DUT: variants seen among roughly 807,000 people sequenced by gnomAD.
DUT encodes deoxyuridine triphosphatase.
Under a neutral mutation model 28.8 loss-of-function variants are expected in DUT, and 21 were observed. The observed-to-expected ratio is 0.73, with a 90% CI of 0.52 to 1.05. The LOEUF (loss-of-function observed/expected upper bound fraction) is 1.05. Ranked by LOEUF, DUT falls within the 50% of genes least tolerant of loss-of-function variation. The pLI, the probability that DUT is intolerant of heterozygous loss-of-function variation, is 0.00. For synonymous variants in DUT, 147 were observed against 143.7 expected, an observed-to-expected ratio of 1.02 and a Z score of -0.17; for missense variants, 344 against 351.8, an observed-to-expected ratio of 0.98 and a Z score of 0.18.
chr15:48,333,873 T>TA (rs1447233900), intron 2 of DUT, among the ~76,000 whole-genome samples: 1 of 152,232 alleles, frequency 6.6e-6, no homozygotes, highest in Non-Finnish European at 1.5e-5. Context: ...TCCTTCTGCA[T>TA]ATTTTCCCTA....
rs28381129 is a variant in DUT, at chr15:48,338,771, C to G, written c.557-2518C>G. ...CATATACAAGGATATACTTAAAGGG[C>G]TGCTTCATTTATTATAGCAAAATGT... On this transcript the variant is annotated intron_variant, in intron 4 of 6. Transcript: ENST00000331200. Among the ~76,000 whole-genome samples the G allele has an allele frequency of 5.4e-3, 824 of 152,280 alleles. 9 individuals are homozygous for G. Among genetic ancestry groups the G allele is most frequent in the South Asian group, 0.031 (150 of 4,822 alleles).
At chr15:48,333,351 T>C (rs2042440385) in intron 2 of DUT, among the ~76,000 whole-genome samples, 1 of 152,134 alleles carries the variant, frequency 6.6e-6, no homozygotes, top group African/African-American at 2.4e-5. Context: ...TGAATAAAAG[T>C]AGAGTGATAT....
chr15:48,332,241 C>T (rs770898740), intron 1 of DUT, 27 bp from the exon 2 acceptor site: 2 of 1,580,414 alleles, frequency 1.3e-6, no homozygotes, highest in Non-Finnish European at 1.7e-6. Flanking sequence ...CGCTCGCCTT[C>T]TGGCTCTGCC....
chr15:48,338,841 G>A (rs528853944), intron 4 of DUT, among the ~76,000 whole-genome samples: 1 of 152,304 alleles, frequency 6.6e-6, no homozygotes, highest in East Asian at 1.9e-4. Flanking sequence ...TAGTTACATA[G>A]AAACAATGGT....
chr15:48,340,904 A>G (rs975095600), intron 4 of DUT, among the ~76,000 whole-genome samples: 1 of 152,184 alleles, frequency 6.6e-6, no homozygotes, highest in Non-Finnish European at 1.5e-5. Context: ...TCGTATTTCA[A>G]TCTGGGTATT....
upstream of DUT, chr15:48,331,259 C>T (rs1378439143): frequency 5.5e-6 from 8 of 1,464,268 alleles, no homozygotes; most frequent in Middle Eastern, 1.8e-4. Flanking sequence ...CCAGAGCAAA[C>T]AAGAAGAGCG....
chr15:48,336,159 C>A, intron 4 of DUT, 69 bp downstream of exon 4: 2 of 1,268,480 alleles, frequency 1.6e-6, no homozygotes, highest in South Asian at 3.1e-5. Context: ...AGGTAATATT[C>A]AAATGACAGA....
intron 6 of DUT, 71 bp downstream of exon 6, chr15:48,341,656 A>G: frequency 8.0e-7 from 1 of 1,257,660 alleles, no homozygotes; most frequent in Non-Finnish European, 1.1e-6. Context: ...TATAATCTTG[A>G]GAATTTAATA....
intron 1 of DUT, 103 bp from the exon 2 acceptor site, chr15:48,332,165 T>C (rs2042421953): frequency 6.9e-7 from 1 of 1,444,692 alleles, no homozygotes; most frequent in Non-Finnish European, 9.1e-7. Flanking sequence ...GCGGGAAATT[T>C]CGGTTTTGGC....
intron 1 of DUT, 72 bp from the exon 2 acceptor site, chr15:48,332,196 C>T: frequency 6.6e-7 from 1 of 1,508,582 alleles, no homozygotes; most frequent in Non-Finnish European, 8.8e-7. Context: ...CGGCGACGCT[C>T]ATCGTGCGCT....
At chr15:48,332,820 T>C in intron 2 of DUT, 1 of 462,404 alleles carries the variant, frequency 2.2e-6, no homozygotes, top group Non-Finnish European at 4.3e-6. Flanking sequence ...TTTCTATACA[T>C]TCATCCGGCC....
At chr15:48,332,081 T>C in intron 1 of DUT, 187 bp from the exon 2 acceptor site, 1 of 1,297,902 alleles carries the variant, frequency 7.7e-7, no homozygotes, top group East Asian at 3.0e-5. Context: ...AAACCCAAAA[T>C]GTGAATCCCG....
intron 3 of DUT, among the ~76,000 whole-genome samples, chr15:48,334,929 T>C (rs1291977202): frequency 6.6e-6 from 1 of 152,156 alleles, no homozygotes; most frequent in African/African-American, 2.4e-5. Flanking sequence ...CGTCAACAGG[T>C]TTGATTTTTC....
At position 48,334,519 on chromosome 15, in the gene DUT, T is replaced by G; in HGVS notation, c.511+11T>G. 1 of 1,580,118 alleles carries G rather than the reference T, an allele frequency of 6.3e-7. No homozygotes were observed. Among genetic ancestry groups the G allele is most frequent in the South Asian group, 1.1e-5 (1 of 88,270 alleles). ...GTTATGGAAGAGTGGGTAAGTCATT[T>G]AAGAAACAGGTAACTATTTGTCAAG... On this transcript the variant is annotated intron_variant, in intron 3 of 6. Coordinates refer to ENST00000331200, the MANE Select transcript of DUT (RefSeq NM_001025248.2).
upstream of DUT, chr15:48,331,347 G>A (rs1462792489): frequency 2.7e-6 from 4 of 1,455,432 alleles, no homozygotes; most frequent in Non-Finnish European, 9.0e-7. Flanking sequence ...GGGCCCCAGG[G>A]CCTGCGCCAT....
intron 2 of DUT, chr15:48,332,664 G>A (rs1566871952): frequency 1.5e-6 from 1 of 660,706 alleles, no homozygotes; most frequent in Non-Finnish European, 2.8e-6. Context: ...TTCCTAAATA[G>A]AAGATAGAGA....
chr15:48,336,764 T>C (rs1231553383), intron 4 of DUT, among the ~76,000 whole-genome samples: 1 of 152,216 alleles, frequency 6.6e-6, no homozygotes, highest in Non-Finnish European at 1.5e-5. Context: ...CTTAACAAGA[T>C]ACCTTGGCCC....
At chr15:48,337,622 C>T (rs921817096) in intron 4 of DUT, among the ~76,000 whole-genome samples, 1 of 152,096 alleles carries the variant, frequency 6.6e-6, no homozygotes, top group Admixed American at 6.6e-5. Context: ...TTCTTTTATT[C>T]GACTTTGTTA....
At chr15:48,341,961 A>AG (rs2042540608) in intron 6 of DUT, 61 bp from the exon 7 acceptor site, 1 of 1,270,196 alleles carries the variant, frequency 7.9e-7, no homozygotes. Context: ...GGAGCTGGAG[A>AG]GGAAAACTGA....
Sources: gnomAD v4.1 joint callset for allele counts (sites outside exome capture counted in the v4.1 genomes callset) on GRCh38, gnomAD v4.1.1 for gene constraint, MANE v1.5 for transcripts, NCBI Gene and HGNC (gene_info 2026-07-23, HGNC 2026-07-21) for gene names.